The following FHOD3 variants were observed in gnomAD, a reference collection of about 807,000 sequenced individuals.
The protein encoded by FHOD3 is formin homology 2 domain containing 3.
A neutral mutation model predicts 173.0 loss-of-function variants in FHOD3; 90 were observed. That is an observed-to-expected ratio of 0.52 (90% CI 0.44 to 0.62). The LOEUF (loss-of-function observed/expected upper bound fraction) is 0.62, where lower values mean the gene tolerates loss of function less well. FHOD3 is among the 20% of genes least tolerant of loss of function. The probability of loss-of-function intolerance (pLI) is 0.00; values close to 1 mark genes in which losing one functional copy is unlikely to be tolerated. For synonymous variants in FHOD3, 828 were observed against 823.0 expected, an observed-to-expected ratio of 1.01 and a Z score of -0.10; for missense variants, 1,945 against 2,034.7, an observed-to-expected ratio of 0.96 and a Z score of 0.85.
chr18:36,697,730 A>G (rs2039366885), intron 17 of FHOD3, among the ~76,000 whole-genome samples: 2 of 152,206 alleles, frequency 1.3e-5, no homozygotes, highest in Non-Finnish European at 1.5e-5. Flanking sequence ...GCAGGCATTT[A>G]AAGTATGGGT....
chr18:36,360,090 G>C (rs2046536210), intron 2 of FHOD3, among the ~76,000 whole-genome samples: 1 of 152,210 alleles, frequency 6.6e-6, no homozygotes, highest in African/African-American at 2.4e-5. Context: ...GCTACCCTCA[G>C]TGTCTCTGAA....
Position 36,717,715 on chromosome 18 carries a change from T to C in FHOD3, c.2534-117T>C. On this transcript the variant is annotated intron_variant, in intron 18 of 28. Coordinates refer to ENST00000590592, the MANE Select transcript of FHOD3 (RefSeq NM_001281740.3). ...TGTCAGCCACGGCTTTGACTGCTCA[T>C]GCAGTGTCTTCTCTGAAGTCACTCC... 15 of 1,458,516 alleles carry C rather than the reference T, an allele frequency of 1.0e-5. No individual in the cohort carries two copies. The South Asian group carries it at 2.1e-4, about 20-fold the overall frequency. The allele number at this position is 1,458,516 out of a possible 1,614,324, so 90.3% of individuals were successfully genotyped here. A position where few individuals can be genotyped will look rare whatever the true frequency, so the allele number is the denominator to read the frequency against.
chr18:36,509,715 C>G (rs2055527897), intron 4 of FHOD3, among the ~76,000 whole-genome samples: 2 of 152,102 alleles, frequency 1.3e-5, no homozygotes, highest in African/African-American at 4.8e-5. Flanking sequence ...ATTCCGTTGT[C>G]TTTTGTATAT....
At chr18:36,451,024 T>C (rs1042288485) in intron 3 of FHOD3, among the ~76,000 whole-genome samples, 6 of 152,218 alleles carry the variant, frequency 3.9e-5, no homozygotes, top group African/African-American at 1.4e-4. Flanking sequence ...ACTACAGTAG[T>C]CTTTCAATTT....
chr18:36,774,429 C>T (rs528904121), intron 28 of FHOD3, among the ~76,000 whole-genome samples: 60 of 152,308 alleles, frequency 3.9e-4, no homozygotes, highest in African/African-American at 1.4e-3. Flanking sequence ...CAGACTGTCA[C>T]TGTCCTGAAA....
In FHOD3 at chr18:36,740,849, T is replaced by C; in HGVS notation, c.3759+11T>C. ...GAAACTACAGAAAAGGTAAGCTCTC[T>C]GTAAGAGAGGCCGCTGATCCCACAT... On this transcript the variant is annotated intron_variant, in intron 21 of 28. Coordinates refer to ENST00000590592, the MANE Select transcript of FHOD3 (RefSeq NM_001281740.3). The C allele has an allele frequency of 6.2e-7, 1 of 1,602,636 alleles. No individual in the cohort carries two copies. Among genetic ancestry groups the C allele is most frequent in the Non-Finnish European group, 8.5e-7 (1 of 1,176,254 alleles).
At chr18:36,692,941 A>G (rs2039049964) in intron 16 of FHOD3, 3 of 502,742 alleles carry the variant, frequency 6.0e-6, no homozygotes. Context: ...AGAGCAAGAT[A>G]GGATTCTGCA....
intron 19 of FHOD3, among the ~76,000 whole-genome samples, chr18:36,722,213 C>T (rs1193119893): frequency 6.6e-6 from 1 of 152,082 alleles, no homozygotes; most frequent in Non-Finnish European, 1.5e-5. Flanking sequence ...GTGGTGAGCC[C>T]CATAGGAGAC....
At chr18:36,322,547 G>A (rs1400385690) in intron 1 of FHOD3, among the ~76,000 whole-genome samples, 4 of 152,106 alleles carry the variant, frequency 2.6e-5, no homozygotes, top group African/African-American at 9.7e-5. Flanking sequence ...GGGTGCCGGG[G>A]TTGGCAGGTT....
chr18:36,409,375 TG>T (rs1489548064), intron 3 of FHOD3, among the ~76,000 whole-genome samples: 1 of 152,194 alleles, frequency 6.6e-6, no homozygotes, highest in Non-Finnish European at 1.5e-5. Flanking sequence ...CTGTCATGTC[TG>T]ATCACCCTTC....
At chr18:36,488,356 T>G (rs532356879) in intron 3 of FHOD3, among the ~76,000 whole-genome samples, 1 of 152,306 alleles carries the variant, frequency 6.6e-6, no homozygotes, top group East Asian at 1.9e-4. Context: ...TCAACTGGCA[T>G]TGACCCCGGG....
chr18:36,382,670 C>T lies in FHOD3; in HGVS notation c.337+9926C>T, dbSNP rs147654178. On this transcript the variant is annotated intron_variant, in intron 3 of 28. Coordinates refer to ENST00000590592, the MANE Select transcript of FHOD3 (RefSeq NM_001281740.3). ...GATTGTTTCTATCTTATCTCCTTTA[C>T]AGCTTGGTCTGGAGAGCTGTCTCAG... Among the ~76,000 whole-genome samples the T allele has an allele frequency of 3.7e-3, 570 of 152,354 alleles. 2 individuals are homozygous for T. Among genetic ancestry groups the T allele is most frequent in the African/African-American group, 0.013 (547 of 41,582 alleles).
At chr18:36,563,377 G>T (rs956081828) in intron 5 of FHOD3, among the ~76,000 whole-genome samples, 1 of 152,166 alleles carries the variant, frequency 6.6e-6, no homozygotes, top group Non-Finnish European at 1.5e-5. Context: ...ATACACCCCC[G>T]CAGGGGCTTT....
chr18:36,683,737 A>G (rs2038411186), intron 15 of FHOD3, among the ~76,000 whole-genome samples: 1 of 152,218 alleles, frequency 6.6e-6, no homozygotes, highest in African/African-American at 2.4e-5. Flanking sequence ...AGCCTCCCAA[A>G]CAATATTGCT....
At chr18:36,355,515 T>C (rs1393514116) in intron 1 of FHOD3, 24 bp from the exon 2 acceptor site, 4 of 1,600,248 alleles carry the variant, frequency 2.5e-6, no homozygotes, top group East Asian at 4.5e-5. Context: ...GCAGGTTGGG[T>C]ATAACAGGCT....
At chr18:36,725,766 T>G (rs906845295) in intron 19 of FHOD3, among the ~76,000 whole-genome samples, 2 of 152,178 alleles carry the variant, frequency 1.3e-5, no homozygotes, top group African/African-American at 4.8e-5. Context: ...TTAAAGTTAG[T>G]TTTTCTGATT....
chr18:36,768,572 C>A (rs2043239346), intron 27 of FHOD3, among the ~76,000 whole-genome samples: 1 of 152,116 alleles, frequency 6.6e-6, no homozygotes, highest in Non-Finnish European at 1.5e-5. Flanking sequence ...TTTGGTGATG[C>A]TTTCTTCTGA....
intron 3 of FHOD3, among the ~76,000 whole-genome samples, chr18:36,380,443 C>CCCTCCCTCCCTCACTCCCTT (rs2047682023): frequency 7.0e-6 from 1 of 142,514 alleles, no homozygotes; most frequent in African/African-American, 2.5e-5. Context: ...CTTCCTCCCT[C>CCCTCCCTCCCTCACTCCCTT]CCTCCCTCCC....
At position 36,559,148 on chromosome 18, in the gene FHOD3, G is replaced by T. The variant is rs111376851; in HGVS notation, c.512-17303G>T. On this transcript the variant is annotated intron_variant, in intron 5 of 28. Transcript: ENST00000590592. ...ACTCCTGGTCTTTGACAGTATCCTT[G>T]AGTTGGATTCTTTGGGGGCTTATTC... is the stretch of plus-strand genomic sequence containing the variant. 9.4e-4 allele frequency among the ~76,000 whole-genome samples: 143 copies of T among 152,278 alleles called. 2 individuals carry two copies. Among genetic ancestry groups the T allele is most frequent in the African/African-American group, 3.3e-3 (136 of 41,550 alleles).
Sources: gnomAD v4.1 joint callset for allele counts (sites outside exome capture counted in the v4.1 genomes callset) on GRCh38, gnomAD v4.1.1 for gene constraint, MANE v1.5 for transcripts, NCBI Gene and HGNC (gene_info 2026-07-23, HGNC 2026-07-21) for gene names.